PTPRD: variants seen among roughly 807,000 people sequenced by gnomAD.
The protein encoded by PTPRD is protein tyrosine phosphatase receptor type D.
In PTPRD, 34 loss-of-function variants were observed where a neutral mutation model predicts 214.5. The ratio of observed to expected loss-of-function variants is 0.16; its 90% CI spans 0.12 to 0.21. PTPRD has a LOEUF of 0.21. PTPRD is among the 10% of genes least tolerant of loss of function. The pLI is 1.00. For missense variants in PTPRD, 2,545 were observed against 2,398.7 expected (o/e 1.06, Z -1.27); for synonymous variants, 1,128 against 845.7 (o/e 1.33, Z -5.79).
At chr9:10,074,501 G>C (rs2098096818) in intron 3 of PTPRD, among the ~76,000 whole-genome samples, 1 of 152,096 alleles carries the variant, frequency 6.6e-6, no homozygotes, top group African/African-American at 2.4e-5. Flanking sequence ...ATTTTTAAAA[G>C]GTGTGAGAAC....
At chr9:9,885,120 A>T (rs1226751411) in intron 5 of PTPRD, among the ~76,000 whole-genome samples, 1 of 152,114 alleles carries the variant, frequency 6.6e-6, no homozygotes, top group Non-Finnish European at 1.5e-5. Flanking sequence ...TGATAGAGCT[A>T]AGTAGATTAC....
intron 3 of PTPRD, among the ~76,000 whole-genome samples, chr9:10,049,627 G>A (rs1379866153): frequency 1.3e-5 from 2 of 152,022 alleles, no homozygotes; most frequent in Admixed American, 6.6e-5. Context: ...ACTATGTGAG[G>A]GATATTCATA....
chr9:9,648,994 G>A (rs2096265775), intron 7 of PTPRD, among the ~76,000 whole-genome samples: 1 of 152,116 alleles, frequency 6.6e-6, no homozygotes, highest in Admixed American at 6.6e-5. Context: ...CTGCATTTCT[G>A]GGAAACCAAG....
At position 8,837,433 on chromosome 9, in the gene PTPRD, A is replaced by C. The variant is rs545749948; in HGVS notation, c.-103-103487T>G. Among the ~76,000 whole-genome samples the C allele has an allele frequency of 1.3e-4, 20 of 152,298 alleles. 2 individuals are homozygous for C. The highest frequency in any genetic ancestry group is 4.3e-4 in the African/African-American group (18 of 41,582). On this transcript the variant is annotated intron_variant, in intron 11 of 45. Coordinates refer to ENST00000381196, the MANE Select transcript of PTPRD (RefSeq NM_002839.4). ...AAGATTTTGGAATTACAAAAACTAA[A>C]TTTTAATTAAAGTCAAAATAGGCAT...
intron 11 of PTPRD, among the ~76,000 whole-genome samples, chr9:8,985,340 G>A (rs1375381169): frequency 6.6e-6 from 1 of 151,950 alleles, no homozygotes; most frequent in Non-Finnish European, 1.5e-5. Context: ...ATACTGTAAT[G>A]AAGCTACAAC....
At chr9:9,334,349 T>G (rs2136821387) in intron 9 of PTPRD, among the ~76,000 whole-genome samples, 1 of 152,012 alleles carries the variant, frequency 6.6e-6, no homozygotes, top group African/African-American at 2.4e-5. Flanking sequence ...CTTCCAAGGG[T>G]ATGTGTACAA....
At chr9:10,075,907 C>A (rs1327826845) in intron 3 of PTPRD, among the ~76,000 whole-genome samples, 1 of 152,138 alleles carries the variant, frequency 6.6e-6, no homozygotes, top group Non-Finnish European at 1.5e-5. Flanking sequence ...TTTTCTTCTA[C>A]ATAAATGCTT....
chr9:9,784,620 C>A (rs1224713300), intron 5 of PTPRD, among the ~76,000 whole-genome samples: 1 of 151,782 alleles, frequency 6.6e-6, no homozygotes, highest in East Asian at 1.9e-4. Flanking sequence ...ATTAGCAGAT[C>A]AATAACCTAG....
At chr9:8,840,249 C>T (rs772653367) in intron 11 of PTPRD, among the ~76,000 whole-genome samples, 31 of 152,092 alleles carry the variant, frequency 2.0e-4, no homozygotes, top group South Asian at 1.9e-3. Flanking sequence ...TAGGAGATAC[C>T]TGGTGGGAGG....
intron 10 of PTPRD, among the ~76,000 whole-genome samples, chr9:9,165,244 T>A (rs970975323): frequency 2.0e-5 from 3 of 152,116 alleles, no homozygotes; most frequent in African/African-American, 7.2e-5. Flanking sequence ...ATAAATACAT[T>A]AAGGTCTTTT....
intron 9 of PTPRD, among the ~76,000 whole-genome samples, chr9:9,277,689 G>C (rs1413340191): frequency 6.6e-6 from 1 of 151,184 alleles, no homozygotes; most frequent in Non-Finnish European, 1.5e-5. Context: ...AAAAGCCCCT[G>C]GTCCAGATGG....
At chr9:9,673,582 A>G (rs1353834483) in intron 7 of PTPRD, among the ~76,000 whole-genome samples, 1 of 151,800 alleles carries the variant, frequency 6.6e-6, no homozygotes, top group Non-Finnish European at 1.5e-5. Flanking sequence ...GAGTTTAAGC[A>G]TTAAGGACTC....
At chr9:9,805,114 CTGGGGCCAGGCTTTGGGTTT>C (rs1204594886) in intron 5 of PTPRD, among the ~76,000 whole-genome samples, 2 of 151,996 alleles carry the variant, frequency 1.3e-5, no homozygotes, top group African/African-American at 4.8e-5. Context: ...AGCTTGGATT[CTGGGGCCAGGCTTTGGGTTT>C]TGGGGCCAGG....
chr9:8,928,581 T>TACCATGC (rs2098921378), intron 11 of PTPRD, among the ~76,000 whole-genome samples: 1 of 982 alleles, frequency 1.0e-3, no homozygotes, highest in Non-Finnish European at 1.7e-3. Context: ...TTGGTACCAG[T>TACCATGC]TGGTTACTCT....
intron 10 of PTPRD, among the ~76,000 whole-genome samples, chr9:9,107,672 C>T (rs1030302318): frequency 4.6e-5 from 7 of 152,264 alleles, no homozygotes; most frequent in Non-Finnish European, 8.8e-5. Context: ...TCCTTGTCCC[C>T]TTTGGTTGGA....
At chr9:8,638,978 G>C (rs887139829) in intron 12 of PTPRD, among the ~76,000 whole-genome samples, 3 of 152,014 alleles carry the variant, frequency 2.0e-5, no homozygotes, top group African/African-American at 7.3e-5. Context: ...AAATAGCTAG[G>C]ACTACAGGTG....
intron 14 of PTPRD, among the ~76,000 whole-genome samples, chr9:8,629,168 A>C (rs2096158757): frequency 6.6e-6 from 1 of 151,866 alleles, no homozygotes; most frequent in Non-Finnish European, 1.5e-5. Context: ...AGATGCTTAG[A>C]TTCAAAGTTG....
chr9:8,436,785 T>G, intron 34 of PTPRD, 96 bp from the exon 35 acceptor site: 1 of 928,134 alleles, frequency 1.1e-6, no homozygotes, highest in South Asian at 1.5e-5. Context: ...AGAAATGGCC[T>G]GAAAATATGT....
At chr9:8,895,655 A>G (rs1200652655) in intron 11 of PTPRD, among the ~76,000 whole-genome samples, 2 of 152,150 alleles carry the variant, frequency 1.3e-5, no homozygotes, top group Admixed American at 1.3e-4. Context: ...TGCTCAGATA[A>G]TCCCAGGTTT....
Sources: gnomAD v4.1 joint callset for allele counts (sites outside exome capture counted in the v4.1 genomes callset) on GRCh38, gnomAD v4.1.1 for gene constraint, MANE v1.5 for transcripts, NCBI Gene and HGNC (gene_info 2026-07-23, HGNC 2026-07-21) for gene names.